RELN: variants seen among roughly 807,000 people sequenced by gnomAD.
The protein encoded by RELN is reelin.
In RELN, 108 loss-of-function variants were observed where a neutral mutation model predicts 427.6. The ratio of observed to expected loss-of-function variants is 0.25; its 90% CI spans 0.22 to 0.30. The LOEUF (loss-of-function observed/expected upper bound fraction) is 0.30, where lower values mean the gene tolerates loss of function less well. RELN is among the 10% of genes least tolerant of loss of function. The probability of loss-of-function intolerance (pLI) is 1.00; values close to 1 mark genes in which losing one functional copy is unlikely to be tolerated. For synonymous variants in RELN, 1,524 were observed against 1,513.4 expected, an observed-to-expected ratio of 1.01 and a Z score of -0.16; for missense variants, 3,715 against 4,302.8, an observed-to-expected ratio of 0.86 and a Z score of 3.82.
intron 45 of RELN, among the ~76,000 whole-genome samples, 167 bp from the exon 46 acceptor site, chr7:103,535,651 T>G (rs1830032697): frequency 6.6e-6 from 1 of 152,214 alleles, no homozygotes; most frequent in African/African-American, 2.4e-5. Context: ...AATTTTTCTC[T>G]CTGTATATTA....
In RELN at chr7:103,537,232, T is replaced by C. The variant is rs113849353; in HGVS notation, c.7181-1748A>G. Among the ~76,000 whole-genome samples, 450 of 152,314 alleles carry C rather than the reference T, an allele frequency of 3.0e-3. 1 individual carries two copies. The highest frequency in any genetic ancestry group is 5.0e-3 in the Non-Finnish European group (339 of 68,034). On this transcript the variant is annotated intron_variant, in intron 45 of 64. Coordinates refer to ENST00000428762, the MANE Select transcript of RELN (RefSeq NM_005045.4). ...TGAGATCTGCTGATTTTTTTTGCAT[T>C]ATCTCATATCAATTTTATCTATTCC...
At chr7:103,975,518 TTTATTTATTTATTTATTTATTTA>T in intron 1 of RELN, among the ~76,000 whole-genome samples, 1 of 143,270 alleles carries the variant, frequency 7.0e-6, no homozygotes, top group South Asian at 2.2e-4. Context: ...TGGAGCAGTA[TTTATTTATTTATTTATTTATTTA>T]TTTATTTATT....
At chr7:103,870,125 A>G (rs1465029800) in intron 2 of RELN, among the ~76,000 whole-genome samples, 1 of 152,050 alleles carries the variant, frequency 6.6e-6, no homozygotes, top group Non-Finnish European at 1.5e-5. Flanking sequence ...TTCTCTATAT[A>G]TGCTAAACTC....
intron 1 of RELN, among the ~76,000 whole-genome samples, chr7:103,964,918 G>A (rs776407285): frequency 6.6e-6 from 1 of 152,104 alleles, no homozygotes; most frequent in Non-Finnish European, 1.5e-5. Context: ...GAATAACTTA[G>A]GACAAGTTAC....
At chr7:103,497,189 T>C (rs1002613328) in intron 55 of RELN, among the ~76,000 whole-genome samples, 5 of 152,328 alleles carry the variant, frequency 3.3e-5, no homozygotes, top group East Asian at 3.9e-4. Flanking sequence ...CTTGATAAGA[T>C]TGCAGGTGGG....
At chr7:103,978,297 ACATATAAGTGAAAT>A (rs1796922889) in intron 1 of RELN, among the ~76,000 whole-genome samples, 1 of 151,908 alleles carries the variant, frequency 6.6e-6, no homozygotes, top group Admixed American at 6.6e-5. Context: ...TTCAGATTCC[ACATATAAGTGAAAT>A]CATGTGATAT....
intron 42 of RELN, among the ~76,000 whole-genome samples, chr7:103,543,079 A>T (rs1198236464): frequency 2.0e-5 from 3 of 152,218 alleles, no homozygotes; most frequent in Admixed American, 2.0e-4. Flanking sequence ...TAATTTAAAG[A>T]TTCTTGTGAT....
rs75652303 is a variant in RELN at position 103,722,627 on chromosome 7, T to A, written c.805+513A>T. Among the ~76,000 whole-genome samples, 1,470 of 152,266 alleles carry A rather than the reference T, an allele frequency of 9.7e-3. 27 individuals are homozygous for A. The highest frequency in any genetic ancestry group is 0.033 in the African/African-American group (1,387 of 41,568). ...AATGCTTTGGGTAGGAACTTTTAGC[T>A]CTAAAACAAAAGCACTTAAAGGAAA... On this transcript the variant is annotated intron_variant, in intron 8 of 64. Coordinates refer to ENST00000428762, the MANE Select transcript of RELN (RefSeq NM_005045.4).
rs184215126 is a variant in RELN, at chr7:103,806,386, G to A, written c.473+27151C>T. 1.3e-3 allele frequency among the ~76,000 whole-genome samples: 194 copies of A among 151,922 alleles called. 3 individuals carry two copies. Among genetic ancestry groups the A allele is most frequent in the African/African-American group, 4.3e-3 (177 of 41,420 alleles). ...GTCACCCAGAATGGAATGCAATGGCGTGATCTCAGCTCACTGCAACCTCCA... is the reference window on the plus strand; with the variant it reads ...GTCACCCAGAATGGAATGCAATGGCATGATCTCAGCTCACTGCAACCTCCA... On this transcript the variant is annotated intron_variant, in intron 3 of 64. Transcript: ENST00000428762.
intron 12 of RELN, among the ~76,000 whole-genome samples, chr7:103,654,609 C>T (rs1238879313): frequency 6.6e-6 from 1 of 152,092 alleles, no homozygotes; most frequent in Non-Finnish European, 1.5e-5. Flanking sequence ...AGGGTGATGA[C>T]TTCCTGCATC....
chr7:103,939,748 A>C (rs1796069462), intron 1 of RELN, among the ~76,000 whole-genome samples: 1 of 152,240 alleles, frequency 6.6e-6, no homozygotes, highest in Non-Finnish European at 1.5e-5. Context: ...TTCAATGTTC[A>C]AAGGATGGTT....
At position 103,498,128 on chromosome 7, in the gene RELN, C is replaced by A. The variant is rs1465519249; in HGVS notation, c.8792G>T (p.Gly2931Val). 1 of 1,614,066 alleles carries A rather than the reference C, an allele frequency of 6.2e-7. No individual in the cohort carries two copies. Among genetic ancestry groups the A allele is most frequent in the South Asian group, 1.1e-5 (1 of 91,078 alleles). The change falls in exon 54 of 65, where the codon GGA (glycine) becomes GTA (valine). Residue 2931 changes from glycine to valine, a missense_variant. Around this residue, in one of 4 missense-constraint regions of RELN, gnomAD observed 1,310 missense variants for 1,643.0 expected, o/e 0.80. Coordinates refer to ENST00000428762, the MANE Select transcript of RELN (RefSeq NM_005045.4). ...TGTAACCGCTTGTCTCACAGTGGATCCCCCAAAATAGAGTGCAGTGTCCTC... is the reference window on the plus strand; with the variant it reads ...TGTAACCGCTTGTCTCACAGTGGATACCCCAAAATAGAGTGCAGTGTCCTC... ...LAEDTALYFG[G>V]STVRQAVTQD... is the part of the protein sequence containing the mutation.
intron 2 of RELN, among the ~76,000 whole-genome samples, chr7:103,850,865 G>T (rs1793804854): frequency 6.6e-6 from 1 of 152,148 alleles, no homozygotes; most frequent in Admixed American, 6.5e-5. Flanking sequence ...AGTGTACAGG[G>T]AATGCTTCTA....
chr7:103,805,002 G>C (rs1456152330), intron 3 of RELN, among the ~76,000 whole-genome samples: 1 of 151,810 alleles, frequency 6.6e-6, no homozygotes, highest in Non-Finnish European at 1.5e-5. Flanking sequence ...ATATCTAATC[G>C]GGTATCTAAT....
intron 20 of RELN, among the ~76,000 whole-genome samples, chr7:103,615,309 G>C (rs1832055453): frequency 6.6e-6 from 1 of 152,152 alleles, no homozygotes; most frequent in African/African-American, 2.4e-5. Context: ...AAATGGATAA[G>C]AGCTTAGTAG....
At chr7:103,575,996 G>C (rs1414000131) in intron 28 of RELN, among the ~76,000 whole-genome samples, 3 of 152,074 alleles carry the variant, frequency 2.0e-5, no homozygotes, top group Admixed American at 2.0e-4. Context: ...TCTTTGGGAG[G>C]CCGAGGTGGG....
At chr7:103,721,556 C>A (rs1020313395) in intron 8 of RELN, among the ~76,000 whole-genome samples, 1 of 152,244 alleles carries the variant, frequency 6.6e-6, no homozygotes, top group East Asian at 1.9e-4. Flanking sequence ...AATAGAGAAT[C>A]TATGCCATAT....
At chr7:103,853,813 C>A (rs1259435958) in intron 2 of RELN, among the ~76,000 whole-genome samples, 2 of 151,930 alleles carry the variant, frequency 1.3e-5, no homozygotes, top group Middle Eastern at 3.4e-3. Flanking sequence ...ATTATACATG[C>A]ATGATAAAAA....
intron 2 of RELN, among the ~76,000 whole-genome samples, chr7:103,898,304 G>C (rs180735078): frequency 2.9e-4 from 44 of 152,104 alleles, no homozygotes; most frequent in African/African-American, 1.1e-3. Context: ...ATTTTAATGA[G>C]AGTATACTAG....
Sources: gnomAD v4.1 joint callset for allele counts (sites outside exome capture counted in the v4.1 genomes callset) on GRCh38, gnomAD v4.1.1 for gene constraint, gnomAD v4.1.1 regional missense constraint, MANE v1.5 for transcripts, NCBI Gene and HGNC (gene_info 2026-07-23, HGNC 2026-07-21) for gene names.